CSF2RA: variants seen among roughly 807,000 people sequenced by gnomAD.
The protein encoded by CSF2RA is colony stimulating factor 2 receptor subunit alpha, also known as granulocyte-macrophage colony-stimulating factor receptor subunit alpha.
Under a neutral mutation model 51.6 loss-of-function variants are expected in CSF2RA, and 42 were observed. The observed-to-expected ratio is 0.81, with a 90% CI of 0.64 to 1.05. CSF2RA has a LOEUF of 1.05. Among genes scored for constraint, CSF2RA ranks in the 50% least tolerant of loss-of-function variants. The pLI, the probability that CSF2RA is intolerant of heterozygous loss-of-function variation, is 0.00. For missense variants in CSF2RA, 530 were observed against 501.1 expected (o/e 1.06, Z -0.55); for synonymous variants, 222 against 193.0 (o/e 1.15, Z -1.24).
Position 1,273,887 on chromosome X carries a change from C to T in CSF2RA, c.-90-868C>T, listed in dbSNP as rs1392096794. On this transcript the variant is annotated intron_variant, in intron 1 of 12. Transcript: ENST00000381529. ...TGCTGGGATGACAGGCGTGAGTCAC[C>T]GCGCCCGGCATGAAAGGGTTTTTCA... Among the ~76,000 whole-genome samples, 5 of 151,888 alleles carry T rather than the reference C, an allele frequency of 3.3e-5. No individual in the cohort carries two copies. In the Admixed American group the frequency reaches 3.3e-4, roughly 10 times the overall value.
chrX:1,323,742 C>T, the CSF2RA span, among the ~76,000 whole-genome samples: 7 of 151,942 alleles, frequency 4.6e-5, no homozygotes, highest in East Asian at 5.8e-4. Context: ...AGGCTGGGCG[C>T]AGTGGCTCAC....
chrX:1,269,160 G>C (rs1490337015), intron 1 of CSF2RA, among the ~76,000 whole-genome samples: 78 of 151,988 alleles, frequency 5.1e-4, no homozygotes, highest in African/African-American at 1.7e-3. Flanking sequence ...GACAGGGAGG[G>C]GGCTTCTGTG....
At chrX:1,320,191 G>A in the CSF2RA span, among the ~76,000 whole-genome samples, 1 of 150,460 alleles carries the variant, frequency 6.6e-6, no homozygotes, top group Admixed American at 6.7e-5. Context: ...CACTGCGCCC[G>A]GCCTGTTTGT....
rs28722602 is a variant in CSF2RA, at chrX:1,309,528, G to A, written c.*49G>A. 19,585 of 1,613,780 alleles carry A rather than the reference G, an allele frequency of 0.012. 195 individuals carry two copies. Among genetic ancestry groups the A allele is most frequent in the South Asian group, 0.03 (2,760 of 91,068 alleles). ...ATGGACATCTCCGCCTCCGCGACACGGGGGAACTGTTTTCTTGATGATGCT... is the reference window on the plus strand; with the variant it reads ...ATGGACATCTCCGCCTCCGCGACACAGGGGAACTGTTTTCTTGATGATGCT... On this transcript the variant is annotated 3_prime_UTR_variant, in exon 13 of 13. Transcript: ENST00000381529.
the CSF2RA span, among the ~76,000 whole-genome samples, chrX:1,325,010 T>C: frequency 6.6e-6 from 1 of 151,900 alleles, no homozygotes; most frequent in East Asian, 1.9e-4. Flanking sequence ...CGACACCAGG[T>C]TCTCTCTTCT....
At chrX:1,312,340 A>G (rs1183209608), downstream of CSF2RA, among the ~76,000 whole-genome samples, 1 of 152,158 alleles carries the variant, frequency 6.6e-6, no homozygotes, top group Admixed American at 6.6e-5. Context: ...TTCCATAGAG[A>G]GCATTCTGTA....
chrX:1,280,886 T>TCCTCCTCCTCCTCCTC (rs2089855365), intron 2 of CSF2RA, among the ~76,000 whole-genome samples: 1 of 65,122 alleles, frequency 1.5e-5, no homozygotes, highest in Non-Finnish European at 3.0e-5. Context: ...TCCTGCTCCT[T>TCCTCCTCCTCCTCCTC]CTCCTCCTCC....
chrX:1,325,156 C>T, the CSF2RA span, among the ~76,000 whole-genome samples: 8 of 150,500 alleles, frequency 5.3e-5, no homozygotes, highest in Non-Finnish European at 1.0e-4. Flanking sequence ...GTCGGGAGAT[C>T]GAGACCAGCC....
At chrX:1,321,124 T>C in the CSF2RA span, among the ~76,000 whole-genome samples, 1 of 151,968 alleles carries the variant, frequency 6.6e-6, no homozygotes, top group Admixed American at 6.6e-5. Flanking sequence ...GATTATAGGC[T>C]CAGCCCCAAC....
intron 1 of CSF2RA, among the ~76,000 whole-genome samples, chrX:1,272,938 C>A (rs2088645360): frequency 6.6e-6 from 1 of 151,552 alleles, no homozygotes; most frequent in Non-Finnish European, 1.5e-5. Context: ...CCTGCCTCAG[C>A]CTCCCAAGTA....
chrX:1,306,651 A>C (rs189052742), intron 12 of CSF2RA, among the ~76,000 whole-genome samples: 1 of 152,090 alleles, frequency 6.6e-6, no homozygotes, highest in Non-Finnish European at 1.5e-5. Context: ...TCTATCAAAA[A>C]CAAAACAAAA....
chrX:1,301,666 G>C (rs1372791244), intron 10 of CSF2RA, among the ~76,000 whole-genome samples: 2 of 142,396 alleles, frequency 1.4e-5, no homozygotes, highest in African/African-American at 5.3e-5. Context: ...GCGCAATCTC[G>C]GCTCACTGCA....
chrX:1,298,683 C>G (rs28558838), intron 9 of CSF2RA, among the ~76,000 whole-genome samples: 103 of 5,538 alleles, frequency 0.019, 4 homozygotes, highest in African/African-American at 0.032. Flanking sequence ...GACCCCTACA[C>G]TCTCCTACCC....
intron 6 of CSF2RA, among the ~76,000 whole-genome samples, chrX:1,289,758 GTTTTGTGT>G (rs1234709405): frequency 4.0e-5 from 5 of 126,454 alleles, no homozygotes; most frequent in Admixed American, 3.0e-4. Flanking sequence ...GTTTGTTTTT[GTTTTGTGT>G]TTTTGTGTTT....
chrX:1,285,992 G>T, intron 4 of CSF2RA, 72 bp downstream of exon 4: 1 of 1,600,016 alleles, frequency 6.2e-7, no homozygotes, highest in South Asian at 1.1e-5. Context: ...AACAGGGCCG[G>T]CTGGGCGCGG....
intron 1 of CSF2RA, among the ~76,000 whole-genome samples, chrX:1,272,017 G>A (rs1161082352): frequency 6.7e-6 from 1 of 149,482 alleles, no homozygotes; most frequent in South Asian, 2.1e-4. Context: ...GCACTGGCAT[G>A]ATCTCGGCTC....
chrX:1,323,822 G>T, the CSF2RA span, among the ~76,000 whole-genome samples: 1 of 151,618 alleles, frequency 6.6e-6, no homozygotes, highest in Non-Finnish European at 1.5e-5. Context: ...AAACCATCCT[G>T]GCTAACACGG....
In CSF2RA at chrX:1,309,750, C is replaced by T. The variant is rs769396487; in HGVS notation, c.*271C>T. ...AAAAATGCAGAAATTTACCCAGGCA[C>T]GGCGGCGGACGCCCATCATCCCAGC... is the stretch of plus-strand genomic sequence containing the variant. On this transcript the variant is annotated 3_prime_UTR_variant, in exon 13 of 13. Transcript: ENST00000381529. 1.2e-5 allele frequency: 8 copies of T among 691,012 alleles called. No individual in the cohort carries two copies. Among genetic ancestry groups the T allele is most frequent in the Admixed American group, 4.6e-5 (2 of 43,442 alleles). The allele number at this position is 691,012 out of a possible 1,614,324, so 42.8% of individuals were successfully genotyped here. A position where few individuals can be genotyped will look rare whatever the true frequency, so the allele number is the denominator to read the frequency against.
intron 12 of CSF2RA, among the ~76,000 whole-genome samples, chrX:1,306,191 TGAG>T (rs1289835909): frequency 2.0e-5 from 3 of 147,514 alleles, no homozygotes; most frequent in Non-Finnish European, 4.5e-5. Flanking sequence ...TAGAAGAGAA[TGAG>T]GAGACACAAA....
Sources: allele counts gnomAD v4.1 joint callset (sites outside exome capture counted in the v4.1 genomes callset), GRCh38; gene constraint gnomAD v4.1.1; transcripts MANE v1.5; gene names NCBI Gene and HGNC (gene_info 2026-07-23, HGNC 2026-07-21).